Variants in LTBP1 observed in about 807,000 individuals in gnomAD.
LTBP1 encodes the protein latent transforming growth factor beta binding protein 1.
LTBP1 carries 129 observed loss-of-function variants against 207.6 expected under a neutral mutation model. The observed-to-expected ratio is 0.62, with a 90% confidence interval of 0.54 to 0.72. The LOEUF (loss-of-function observed/expected upper bound fraction) is 0.72, where lower values mean the gene tolerates loss of function less well. LTBP1 is among the 30% of genes least tolerant of loss of function. The pLI, the probability that LTBP1 is intolerant of heterozygous loss-of-function variation, is 0.00. For missense variants in LTBP1, 2,281 were observed against 2,217.2 expected (o/e 1.03, Z -0.58); for synonymous variants, 963 against 833.7 (o/e 1.16, Z -2.67).
chr2:33,194,984 C>T (rs1050248693), intron 7 of LTBP1, among the ~76,000 whole-genome samples: 3 of 152,124 alleles, frequency 2.0e-5, no homozygotes, highest in African/African-American at 7.2e-5. Flanking sequence ...TAGCAAAGCC[C>T]GGATGACGGC....
At chr2:33,350,330 G>C (rs1490479129) in intron 26 of LTBP1, among the ~76,000 whole-genome samples, 3 of 152,170 alleles carry the variant, frequency 2.0e-5, no homozygotes, top group Non-Finnish European at 2.9e-5. Flanking sequence ...GGCAGAACTA[G>C]GGTTATGGGG....
At chr2:33,291,592 C>T (rs1573654357) in intron 19 of LTBP1, 2 of 152,154 alleles carry the variant, frequency 1.3e-5, no homozygotes, top group East Asian at 3.9e-4. Context: ...ATGAGTCAGT[C>T]TGGAAGTGCT....
intron 2 of LTBP1, among the ~76,000 whole-genome samples, chr2:32,956,174 T>C (rs1678040991): frequency 6.6e-6 from 1 of 152,160 alleles, no homozygotes; most frequent in African/African-American, 2.4e-5. Flanking sequence ...TGCTGAAAGT[T>C]GGGGTGGCTG....
chr2:33,370,723 T>C (rs1383725537), intron 31 of LTBP1, among the ~76,000 whole-genome samples: 1 of 152,202 alleles, frequency 6.6e-6, no homozygotes, highest in African/African-American at 2.4e-5. Flanking sequence ...TATCTCTTCA[T>C]CTAAGCACTG....
intron 3 of LTBP1, among the ~76,000 whole-genome samples, chr2:33,051,402 G>A (rs181336152): frequency 6.6e-6 from 1 of 152,200 alleles, no homozygotes; most frequent in Admixed American, 6.5e-5. Context: ...GGGTTTCAGA[G>A]CAAGATCGTG....
intron 2 of LTBP1, among the ~76,000 whole-genome samples, chr2:32,976,487 C>T: frequency 6.6e-6 from 1 of 152,206 alleles, no homozygotes; most frequent in East Asian, 1.9e-4. Context: ...GGGCTGTGAG[C>T]CAGTAGGCAC....
intron 2 of LTBP1, among the ~76,000 whole-genome samples, chr2:32,987,156 C>A (rs1683723005): frequency 6.6e-6 from 1 of 152,082 alleles, no homozygotes; most frequent in South Asian, 2.1e-4. Context: ...GAAAAGTAGC[C>A]CCACATCACC....
At chr2:33,114,695 G>A (rs1477765376) in intron 4 of LTBP1, among the ~76,000 whole-genome samples, 1 of 152,102 alleles carries the variant, frequency 6.6e-6, no homozygotes, top group African/African-American at 2.4e-5. Flanking sequence ...AGAATAATGG[G>A]CCACACAGCA....
intron 2 of LTBP1, among the ~76,000 whole-genome samples, chr2:32,999,060 G>A (rs991748696): frequency 1.1e-4 from 16 of 152,168 alleles, no homozygotes; most frequent in African/African-American, 3.6e-4. Context: ...GATGGGTCCT[G>A]CAAAGTTTTA....
intron 26 of LTBP1, among the ~76,000 whole-genome samples, chr2:33,351,576 C>T: frequency 6.6e-6 from 1 of 152,166 alleles, no homozygotes; most frequent in East Asian, 1.9e-4. Context: ...ATCCATATTC[C>T]CCTGTCTCAA....
chr2:33,151,823 TTG>T (rs10526529), intron 5 of LTBP1, among the ~76,000 whole-genome samples: 7,659 of 129,006 alleles, frequency 0.059, 177 homozygotes, highest in South Asian at 0.071. Context: ...GTATTCCATT[TTG>T]TGTGTGTGTG....
intron 3 of LTBP1, among the ~76,000 whole-genome samples, chr2:33,050,273 T>A (rs2076663708): frequency 6.6e-6 from 1 of 151,930 alleles, no homozygotes; most frequent in Admixed American, 6.6e-5. Context: ...GGTTGAGGAA[T>A]GTTCTGTTTC....
chr2:33,254,589 T>G (rs2147738601), intron 11 of LTBP1, among the ~76,000 whole-genome samples: 1 of 149,326 alleles, frequency 6.7e-6, no homozygotes, highest in African/African-American at 2.4e-5. Context: ...TTGTTGTTTT[T>G]CTGGTTTTGT....
intron 24 of LTBP1, among the ~76,000 whole-genome samples, chr2:33,326,898 G>A (rs574531421): frequency 5.9e-5 from 9 of 152,052 alleles, no homozygotes; most frequent in South Asian, 2.1e-4. Flanking sequence ...TCCTAACCAC[G>A]TCAGTCTCCC....
At chr2:33,115,475 C>T (rs2080689574) in intron 4 of LTBP1, among the ~76,000 whole-genome samples, 1 of 152,128 alleles carries the variant, frequency 6.6e-6, no homozygotes. Context: ...CTGAATTATA[C>T]ACTTAAGGGT....
chr2:33,381,852 T>C (rs2095218197), intron 31 of LTBP1, among the ~76,000 whole-genome samples: 1 of 152,186 alleles, frequency 6.6e-6, no homozygotes, highest in South Asian at 2.1e-4. Flanking sequence ...ATCCCTCACC[T>C]GACCTTGGGC....
At chr2:33,136,753 A>G (rs1156656778) in intron 5 of LTBP1, among the ~76,000 whole-genome samples, 1 of 152,240 alleles carries the variant, frequency 6.6e-6, no homozygotes, top group Non-Finnish European at 1.5e-5. Flanking sequence ...AAACAGAGGA[A>G]GTCTACTTGT....
chr2:33,233,145 G>A (rs886963684), intron 9 of LTBP1, among the ~76,000 whole-genome samples: 1 of 152,024 alleles, frequency 6.6e-6, no homozygotes, highest in African/African-American at 2.4e-5. Flanking sequence ...TTTCCACCAT[G>A]CTTTTCTGCT....
chr2:33,073,060 G>T (rs575814306), intron 3 of LTBP1, among the ~76,000 whole-genome samples: 1 of 152,174 alleles, frequency 6.6e-6, no homozygotes, highest in East Asian at 1.9e-4. Context: ...GTTTCGGTTG[G>T]CATTCACGTG....
Sources: allele counts gnomAD v4.1 joint callset (sites outside exome capture counted in the v4.1 genomes callset), GRCh38; gene constraint gnomAD v4.1.1; transcripts MANE v1.5; gene names NCBI Gene and HGNC (gene_info 2026-07-23, HGNC 2026-07-21).